CSMD3: variants seen among roughly 807,000 people sequenced by gnomAD.
CSMD3 encodes CUB and Sushi multiple domains 3.
A neutral mutation model predicts 435.2 loss-of-function variants in CSMD3; 177 were observed. The ratio of observed to expected loss-of-function variants is 0.41; its 90% CI spans 0.36 to 0.46. The LOEUF is 0.46. CSMD3 is among the 20% of genes least tolerant of loss of function. CSMD3 has a pLI of 0.34. For synonymous variants in CSMD3, 1,656 were observed against 1,520.5 expected (o/e 1.09, Z -2.07); for missense variants, 4,265 against 4,504.6 (o/e 0.95, Z 1.52).
At chr8:113,344,112 T>A (rs2094137312) in intron 1 of CSMD3, among the ~76,000 whole-genome samples, 1 of 152,180 alleles carries the variant, frequency 6.6e-6, no homozygotes, top group African/African-American at 2.4e-5. Flanking sequence ...AAGAAGAACA[T>A]TTCCACTGAC....
intron 10 of CSMD3, among the ~76,000 whole-genome samples, chr8:112,903,164 A>G (rs1197943524): frequency 1.4e-5 from 2 of 140,154 alleles, no homozygotes; most frequent in Non-Finnish European, 3.3e-5. Flanking sequence ...AAAAAAAAAA[A>G]AAAAAAAAAA....
intron 13 of CSMD3, among the ~76,000 whole-genome samples, chr8:112,791,598 T>G (rs1252209843): frequency 1.7e-4 from 26 of 152,164 alleles, no homozygotes; most frequent in Admixed American, 1.7e-3. Flanking sequence ...TATTCTATTG[T>G]GTAGACATCC....
intron 13 of CSMD3, among the ~76,000 whole-genome samples, chr8:112,788,428 G>T (rs2078607422): frequency 6.6e-6 from 1 of 152,028 alleles, no homozygotes; most frequent in Non-Finnish European, 1.5e-5. Context: ...CATTGGTTAT[G>T]CTGCCCCAGT....
intron 4 of CSMD3, among the ~76,000 whole-genome samples, chr8:113,106,824 C>T (rs1478977014): frequency 3.9e-5 from 6 of 151,908 alleles, no homozygotes; most frequent in Non-Finnish European, 7.4e-5. Context: ...CTTTGTTATC[C>T]ACATTCTTTA....
intron 66 of CSMD3, 111 bp downstream of exon 66, chr8:112,241,609 A>T: frequency 1.3e-6 from 1 of 742,806 alleles, no homozygotes; most frequent in Non-Finnish European, 2.4e-6. Flanking sequence ...CAAGACAGTC[A>T]TAGTTTTTTA....
intron 9 of CSMD3, among the ~76,000 whole-genome samples, chr8:112,944,366 T>G (rs1234316958): frequency 6.6e-6 from 1 of 151,638 alleles, no homozygotes; most frequent in Admixed American, 6.6e-5. Flanking sequence ...ATTTATTTTC[T>G]CCTACAAAAT....
At chr8:112,328,002 C>T (rs1256151357) in intron 45 of CSMD3, among the ~76,000 whole-genome samples, 1 of 152,190 alleles carries the variant, frequency 6.6e-6, no homozygotes, top group Non-Finnish European at 1.5e-5. Context: ...AGAACACTGG[C>T]AAATTGCCAT....
chr8:112,420,533 C>A (rs1812370790), intron 32 of CSMD3, among the ~76,000 whole-genome samples: 3 of 152,086 alleles, frequency 2.0e-5, no homozygotes, highest in Admixed American at 2.0e-4. Context: ...CCATACATTT[C>A]ATTCGATTGA....
intron 49 of CSMD3, 88 bp downstream of exon 49, chr8:112,313,818 G>A: frequency 1.9e-6 from 2 of 1,052,944 alleles, no homozygotes; most frequent in South Asian, 1.3e-5. Context: ...TTGAATTCAT[G>A]TCTAACTGAA....
At chr8:113,027,984 T>A (rs889695761) in intron 5 of CSMD3, among the ~76,000 whole-genome samples, 1 of 152,128 alleles carries the variant, frequency 6.6e-6, no homozygotes, top group South Asian at 2.1e-4. Context: ...CAGGCATACC[T>A]CTTTTTTTGC....
At position 113,092,378 on chromosome 8, in the gene CSMD3, G is replaced by A. The variant is rs545314231; in HGVS notation, c.917+6378C>T. Among the ~76,000 whole-genome samples the A allele has an allele frequency of 7.2e-5, 11 of 152,098 alleles. No homozygotes were observed. The South Asian group carries it at 2.3e-3, about 32-fold the overall frequency. On this transcript the variant is annotated intron_variant, in intron 5 of 70. Transcript: ENST00000297405. ...TATACACATTTTTCCTACAGGGATTGCATCAATAAAAACCATGTATCAGAG... is the reference window on the plus strand; with the variant it reads ...TATACACATTTTTCCTACAGGGATTACATCAATAAAAACCATGTATCAGAG...
chr8:112,693,336 G>A (rs2076179960), intron 13 of CSMD3, among the ~76,000 whole-genome samples: 3 of 152,048 alleles, frequency 2.0e-5, no homozygotes, highest in South Asian at 2.1e-4. Flanking sequence ...TACCTTCTTC[G>A]AAAAATTGTT....
intron 32 of CSMD3, among the ~76,000 whole-genome samples, chr8:112,458,896 C>T (rs1165501495): frequency 6.6e-6 from 1 of 152,064 alleles, no homozygotes; most frequent in African/African-American, 2.4e-5. Context: ...CCTTTCTACT[C>T]ATGTGCCTGC....
chr8:113,013,623 C>T (rs2086340661), intron 6 of CSMD3, among the ~76,000 whole-genome samples: 1 of 151,952 alleles, frequency 6.6e-6, no homozygotes. Flanking sequence ...AAGCAGAAAC[C>T]TAAAAGGACA....
At chr8:112,234,606 T>C (rs1486408611) in intron 67 of CSMD3, 129 bp from the exon 68 acceptor site, 1 of 672,524 alleles carries the variant, frequency 1.5e-6, no homozygotes, top group Non-Finnish European at 2.6e-6. Context: ...CAAGGGCAAG[T>C]CAAGGATGGC....
intron 1 of CSMD3, among the ~76,000 whole-genome samples, chr8:113,323,860 A>C (rs2093965335): frequency 6.6e-6 from 1 of 152,174 alleles, no homozygotes; most frequent in Admixed American, 6.5e-5. Context: ...TTCCTCCAAA[A>C]GTTTCTCCAG....
chr8:112,452,141 G>A (rs557048894), intron 32 of CSMD3, among the ~76,000 whole-genome samples: 1 of 152,222 alleles, frequency 6.6e-6, no homozygotes, highest in South Asian at 2.1e-4. Context: ...ACTTCCTTAT[G>A]TTATATAGTT....
chr8:112,762,499 T>C (rs970654778), intron 13 of CSMD3, among the ~76,000 whole-genome samples: 1 of 151,954 alleles, frequency 6.6e-6, no homozygotes, highest in South Asian at 2.1e-4. Flanking sequence ...TTTAATTAAA[T>C]TGCCAGATTC....
At chr8:113,147,577 C>T (rs1588152489) in intron 4 of CSMD3, among the ~76,000 whole-genome samples, 2 of 151,610 alleles carry the variant, frequency 1.3e-5, no homozygotes. Flanking sequence ...ATTTCAAAAG[C>T]TCCCCTAGAT....
Sources: allele counts gnomAD v4.1 joint callset (sites outside exome capture counted in the v4.1 genomes callset), GRCh38; gene constraint gnomAD v4.1.1; transcripts MANE v1.5; gene names NCBI Gene and HGNC (gene_info 2026-07-23, HGNC 2026-07-21).